Variants in FOXP2 observed in about 807,000 individuals in gnomAD.
The protein encoded by FOXP2 is forkhead box P2, also known as forkhead box protein P2.
In FOXP2, 12 loss-of-function variants were observed where a neutral mutation model predicts 115.8. The observed-to-expected ratio is 0.10, with a 90% confidence interval of 0.07 to 0.17. FOXP2 has a LOEUF of 0.17. Among genes scored for constraint, FOXP2 ranks in the 10% least tolerant of loss-of-function variants. The pLI, the probability that FOXP2 is intolerant of heterozygous loss-of-function variation, is 1.00. For missense variants in FOXP2, 629 were observed against 843.5 expected, an observed-to-expected ratio of 0.75 and a Z score of 3.15; for synonymous variants, 328 against 297.7, an observed-to-expected ratio of 1.10 and a Z score of -1.05.
chr7:114,664,086 A>C (rs928786583), intron 15 of FOXP2, among the ~76,000 whole-genome samples, 187 bp from the exon 16 acceptor site: 1 of 152,292 alleles, frequency 6.6e-6, no homozygotes, highest in Middle Eastern at 3.4e-3. Flanking sequence ...ATATTTTCAC[A>C]TCGCACTTAA....
chr7:114,562,858 T>A lies in FOXP2; in HGVS notation c.258+28152T>A, dbSNP rs1367791048. Among the ~76,000 whole-genome samples, 31 of 152,158 alleles carry A rather than the reference T, an allele frequency of 2.0e-4. 1 individual carries two copies. The highest frequency in any genetic ancestry group is 2.0e-3 in the Admixed American group (31 of 15,262). The stretch of plus-strand genomic sequence containing the variant: ...CCTTTTTTGACACATTATACCTTGT[T>A]TTCTTTCCTTACTACCTGTATTACT... On this transcript the variant is annotated intron_variant, in intron 3 of 16. Transcript: ENST00000350908.
chr7:114,166,396 C>G (rs1209294951), intron 1 of FOXP2, among the ~76,000 whole-genome samples: 1 of 152,070 alleles, frequency 6.6e-6, no homozygotes, highest in Non-Finnish European at 1.5e-5. Flanking sequence ...CTACAAAGAA[C>G]TCTTAAAAAT....
At chr7:114,266,559 C>T (rs2129172124) in intron 1 of FOXP2, among the ~76,000 whole-genome samples, 1 of 152,226 alleles carries the variant, frequency 6.6e-6, no homozygotes, top group South Asian at 2.1e-4. Context: ...CACCAGATGT[C>T]ATGAGAACTC....
intron 2 of FOXP2, among the ~76,000 whole-genome samples, chr7:114,314,067 A>C (rs1184999895): frequency 6.6e-6 from 1 of 151,936 alleles, no homozygotes; most frequent in Non-Finnish European, 1.5e-5. Context: ...AGAACAGAAT[A>C]AAATGGAAAA....
chr7:114,666,234 T>C (rs1381191983), intron 16 of FOXP2: 3 of 152,050 alleles, frequency 2.0e-5, no homozygotes, highest in African/African-American at 7.2e-5. Context: ...TTGTTGAAAA[T>C]AGATTTCAGA....
At chr7:114,682,268 G>A (rs918665986) in intron 16 of FOXP2, among the ~76,000 whole-genome samples, 3 of 152,168 alleles carry the variant, frequency 2.0e-5, no homozygotes, top group Admixed American at 6.5e-5. Flanking sequence ...ACTGCTGCGT[G>A]ACTAAATATT....
rs752540244 is a variant in FOXP2, at chr7:114,393,997, TGTGTGTGTGAGA to T, written c.-10-32503_-10-32492del. Among the ~76,000 whole-genome samples, 564 of 18,644 alleles carry T rather than the reference TGTGTGTGTGAGA, an allele frequency of 0.03. 2 individuals carry two copies. In the South Asian group the frequency reaches 0.32, roughly 11 times the overall value. 12.2% of individuals were successfully genotyped at this position (18,644 alleles called of 152,430 possible). A position where few individuals can be genotyped will look rare whatever the true frequency, so the allele number is the denominator to read the frequency against. ...GTGTGTGAGAGTGTGTGTGTGTGTG[TGTGTGTGTGAGA>T]GAGAGAGAGAGAGAGAGAGATCCCT... On this transcript the variant is annotated intron_variant, in intron 2 of 17. Coordinates refer to the FOXP2 transcript ENST00000634411.
At chr7:114,091,367 G>C (rs1428099549) in intron 1 of FOXP2, among the ~76,000 whole-genome samples, 1 of 151,760 alleles carries the variant, frequency 6.6e-6, no homozygotes, top group East Asian at 1.9e-4. Context: ...GTAAATTTAA[G>C]GGTATACAGT....
chr7:114,438,212 C>T, intron 2 of FOXP2, among the ~76,000 whole-genome samples: 1 of 151,960 alleles, frequency 6.6e-6, no homozygotes, highest in African/African-American at 2.4e-5. Context: ...TCATTTGGAC[C>T]TAGATTAGCT....
chr7:114,664,255 C>A lies in FOXP2; in HGVS notation c.1840-18C>A. On this transcript the variant is annotated intron_variant, in intron 15 of 16. Transcript: ENST00000350908. ...ATGCCATTTTGAAAGTTGTTTTACA[C>A]AATCTTCATTTCACTAGGCTGCCTT... The A allele has an allele frequency of 6.2e-7, 1 of 1,611,910 alleles. No individual in the cohort carries two copies.
At chr7:114,190,287 G>A (rs926687547) in intron 1 of FOXP2, among the ~76,000 whole-genome samples, 1 of 152,190 alleles carries the variant, frequency 6.6e-6, no homozygotes, top group Non-Finnish European at 1.5e-5. Flanking sequence ...AGTAGTCTGA[G>A]TAAGGAAGAT....
chr7:114,529,875 G>T (rs915509969), intron 2 of FOXP2, among the ~76,000 whole-genome samples: 1 of 151,810 alleles, frequency 6.6e-6, no homozygotes, highest in African/African-American at 2.4e-5. Context: ...AACAGAATAC[G>T]AATTTATATC....
intron 2 of FOXP2, among the ~76,000 whole-genome samples, chr7:114,509,311 T>C (rs531901988): frequency 1.3e-5 from 2 of 152,120 alleles, no homozygotes; most frequent in African/African-American, 4.8e-5. Context: ...TGAGACAGTT[T>C]CGCTCTTGTT....
At chr7:114,591,770 C>T (rs554275089) in intron 3 of FOXP2, among the ~76,000 whole-genome samples, 1 of 152,196 alleles carries the variant, frequency 6.6e-6, no homozygotes, top group South Asian at 2.1e-4. Flanking sequence ...TTTTTTTCCA[C>T]AGCCTACAAG....
At chr7:114,360,310 G>A (rs2129187425) in intron 2 of FOXP2, among the ~76,000 whole-genome samples, 1 of 152,182 alleles carries the variant, frequency 6.6e-6, no homozygotes, top group South Asian at 2.1e-4. Flanking sequence ...AGATTACCCA[G>A]TCTCAGGTGT....
chr7:114,273,985 T>C (rs1418936933), intron 1 of FOXP2, among the ~76,000 whole-genome samples: 1 of 152,114 alleles, frequency 6.6e-6, no homozygotes, highest in African/African-American at 2.4e-5. Flanking sequence ...TTGTTGTCCT[T>C]GTTCTTTGTT....
At chr7:114,585,244 G>A (rs150410532) in intron 3 of FOXP2, among the ~76,000 whole-genome samples, 6 of 152,226 alleles carry the variant, frequency 3.9e-5, no homozygotes, top group Admixed American at 3.3e-4. Flanking sequence ...CCAAACTTGC[G>A]TAGCCATCAG....
chr7:114,480,467 A>G (rs1233137121), intron 2 of FOXP2, among the ~76,000 whole-genome samples: 2 of 151,460 alleles, frequency 1.3e-5, no homozygotes, highest in South Asian at 2.1e-4. Flanking sequence ...ATGCCTTATT[A>G]CTTATGATAC....
intron 16 of FOXP2, 75 bp downstream of exon 16, chr7:114,664,511 A>G: frequency 3.3e-6 from 5 of 1,531,964 alleles, no homozygotes; most frequent in Non-Finnish European, 3.6e-6. Context: ...ATTTTTCCGA[A>G]GTTTTTACTG....
Sources: gnomAD v4.1 joint callset for allele counts (sites outside exome capture counted in the v4.1 genomes callset) on GRCh38, gnomAD v4.1.1 for gene constraint, MANE v1.5 for transcripts, NCBI Gene and HGNC (gene_info 2026-07-23, HGNC 2026-07-21) for gene names.